Variants in SEC11A observed in about 807,000 individuals in gnomAD.
SEC11A encodes the protein signal peptidase complex catalytic subunit SEC11A.
SEC11A carries 14 observed loss-of-function variants against 25.6 expected under a neutral mutation model. The ratio of observed to expected loss-of-function variants is 0.55; its 90% CI spans 0.36 to 0.85. SEC11A has a LOEUF of 0.85. Ranked by LOEUF, SEC11A falls within the 40% of genes least tolerant of loss-of-function variation. The probability of loss-of-function intolerance (pLI) is 0.01; values close to 1 mark genes in which losing one functional copy is unlikely to be tolerated. For missense variants in SEC11A, 153 were observed against 222.9 expected, an observed-to-expected ratio of 0.69 and a Z score of 2.00; for synonymous variants, 83 against 76.4, an observed-to-expected ratio of 1.09 and a Z score of -0.45.
chr15:84,676,082 T>C (rs1897124777), intron 4 of SEC11A, among the ~76,000 whole-genome samples: 1 of 152,196 alleles, frequency 6.6e-6, no homozygotes, highest in African/African-American at 2.4e-5. Context: ...ATAGTGGTGA[T>C]GGTTGCACAA....
intron 1 of SEC11A, among the ~76,000 whole-genome samples, chr15:84,709,127 T>C (rs568596989): frequency 6.6e-6 from 1 of 152,200 alleles, no homozygotes; most frequent in Non-Finnish European, 1.5e-5. Flanking sequence ...TTCTAAAAAT[T>C]ACATGTGACA....
chr15:84,693,601 T>C lies in SEC11A; in HGVS notation c.52-1957A>G, dbSNP rs537632732. Among the ~76,000 whole-genome samples the C allele has an allele frequency of 5.9e-5, 9 of 151,944 alleles. No homozygotes were observed. In the East Asian group the frequency reaches 1.7e-3, roughly 29 times the overall value. On this transcript the variant is annotated intron_variant, in intron 1 of 5. Coordinates refer to ENST00000268220, the MANE Select transcript of SEC11A (RefSeq NM_014300.4). ...GCCTCCCAAGTAGCTGGGATTACAA[T>C]GGGCATGCATCATCACGCCCGGCCA...
Position 84,713,280 on chromosome 15 carries a change from GA to G in SEC11A, c.51+2744del, listed in dbSNP as rs148137377. Among the ~76,000 whole-genome samples the G allele has an allele frequency of 6.1e-4, 86 of 140,394 alleles. No individual in the cohort carries two copies. The East Asian group carries it at 8.4e-3, about 14-fold the overall frequency. The allele number at this position is 140,394 out of a possible 152,430, so 92.1% of individuals were successfully genotyped here. On this transcript the variant is annotated intron_variant, in intron 1 of 5. Coordinates refer to ENST00000268220, the MANE Select transcript of SEC11A (RefSeq NM_014300.4). ...AAGTATTCCTCTGTGGATCTGATAA[GA>G]AAAAAAAAACAAAAACTCAAAGCAA...
At chr15:84,674,212 T>C (rs1337188538) in intron 4 of SEC11A, among the ~76,000 whole-genome samples, 3 of 150,298 alleles carry the variant, frequency 2.0e-5, no homozygotes, top group African/African-American at 7.3e-5. Flanking sequence ...CTACATTTTA[T>C]ATATATTTAT....
chr15:84,672,226 C>T, intron 4 of SEC11A: 1 of 163,714 alleles, frequency 6.1e-6, no homozygotes, highest in East Asian at 1.5e-4. Context: ...TCTGCCTCTG[C>T]CTCTGCCCCT....
chr15:84,699,490 G>C (rs961126579), intron 1 of SEC11A, among the ~76,000 whole-genome samples: 15 of 152,130 alleles, frequency 9.9e-5, no homozygotes, highest in African/African-American at 3.6e-4. Context: ...AGGTAGTAAG[G>C]ACTGTGATTA....
intron 1 of SEC11A, among the ~76,000 whole-genome samples, chr15:84,708,312 T>C (rs117239337): frequency 3.3e-5 from 5 of 151,144 alleles, no homozygotes; most frequent in Non-Finnish European, 7.4e-5. Flanking sequence ...GGGACTGATA[T>C]CAATATTTCT....
intron 1 of SEC11A, among the ~76,000 whole-genome samples, chr15:84,693,112 CA>C (rs1445349821): frequency 1.3e-5 from 2 of 152,124 alleles, no homozygotes; most frequent in African/African-American, 4.8e-5. Context: ...TATGAGCCAC[CA>C]TGCCTGGTCA....
intron 1 of SEC11A, among the ~76,000 whole-genome samples, chr15:84,701,326 A>AT (rs944580342): frequency 2.7e-5 from 4 of 149,032 alleles, no homozygotes; most frequent in Non-Finnish European, 3.0e-5. Context: ...AATAATAATA[A>AT]TTTTTTTTTT....
At chr15:84,682,475 G>A (rs1441214680) in intron 3 of SEC11A, among the ~76,000 whole-genome samples, 3 of 152,132 alleles carry the variant, frequency 2.0e-5, no homozygotes, top group East Asian at 1.9e-4. Context: ...TTGAGACAGA[G>A]TCTCACACTG....
intron 3 of SEC11A, among the ~76,000 whole-genome samples, chr15:84,681,258 G>A (rs1897275706): frequency 6.6e-6 from 1 of 151,850 alleles, no homozygotes; most frequent in Non-Finnish European, 1.5e-5. Context: ...ACAGACTATG[G>A]GAAACTACAG....
At position 84,685,063 on chromosome 15, in the gene SEC11A, G is replaced by A. The variant is rs374220910; in HGVS notation, c.311+2562C>T. On this transcript the variant is annotated intron_variant, in intron 3 of 5. Coordinates refer to ENST00000268220, the MANE Select transcript of SEC11A (RefSeq NM_014300.4). ...GTCTGTTATCTACACAGGCCTGCAA[G>A]TTGAAGGTATCTCAAGAGTCTGAAA... 1.8e-4 allele frequency among the ~76,000 whole-genome samples: 28 copies of A among 152,328 alleles called. No homozygotes were observed. The East Asian group carries it at 3.9e-3, about 21-fold the overall frequency.
intron 1 of SEC11A, among the ~76,000 whole-genome samples, chr15:84,695,776 G>A (rs912754469): frequency 6.6e-5 from 10 of 152,134 alleles, no homozygotes; most frequent in African/African-American, 1.7e-4. Flanking sequence ...CCAAAAGGCC[G>A]AGAAGCGATC....
Position 84,687,642 on chromosome 15 carries a change from G to A in SEC11A, c.294C>T (p.Val98=). 1 of 1,578,172 alleles carries A rather than the reference G, an allele frequency of 6.3e-7. No homozygotes were observed. The highest frequency in any genetic ancestry group is 1.4e-5 in the African/African-American group (1 of 72,418). The part of the protein sequence containing the change: ...EGREIPIVHR[V]LKIHEKQNGH... Reference sequence around the variant, plus strand: ...GCACATACTTTTCATGAATCTTCAAGACTCGGTGAACTATAGGAATCTCTC... The same window carrying A: ...GCACATACTTTTCATGAATCTTCAAAACTCGGTGAACTATAGGAATCTCTC... The change falls in exon 3 of 6, where the codon GTC becomes GTT. Residue 98 remains valine, a synonymous_variant. Coordinates refer to ENST00000268220, the MANE Select transcript of SEC11A (RefSeq NM_014300.4).
chr15:84,702,886 TC>T (rs1897990224), intron 1 of SEC11A, among the ~76,000 whole-genome samples: 3 of 152,174 alleles, frequency 2.0e-5, no homozygotes, highest in Admixed American at 2.0e-4. Context: ...AAGTGAATAC[TC>T]CCCAACTTAC....
chr15:84,689,301 A>G (rs912933205), intron 2 of SEC11A, among the ~76,000 whole-genome samples: 1 of 152,130 alleles, frequency 6.6e-6, no homozygotes, highest in African/African-American at 2.4e-5. Flanking sequence ...AAAGTGATGA[A>G]TATATTCACT....
chr15:84,692,906 C>A (rs931832450), intron 1 of SEC11A, among the ~76,000 whole-genome samples: 1 of 152,190 alleles, frequency 6.6e-6, no homozygotes, highest in Non-Finnish European at 1.5e-5. Context: ...AGTGCAGTGG[C>A]ACAATCACAG....
chr15:84,678,893 C>G (rs1404624490), intron 4 of SEC11A, among the ~76,000 whole-genome samples: 1 of 151,690 alleles, frequency 6.6e-6, no homozygotes, highest in Admixed American at 6.6e-5. Flanking sequence ...ACTCGGGAGG[C>G]TGAGGCACAA....
intron 1 of SEC11A, among the ~76,000 whole-genome samples, chr15:84,712,066 C>T (rs1898290047): frequency 6.6e-6 from 1 of 152,006 alleles, no homozygotes; most frequent in Admixed American, 6.6e-5. Flanking sequence ...AATAGCGAGA[C>T]TCCATCTCTA....
Sources: allele counts gnomAD v4.1 joint callset (sites outside exome capture counted in the v4.1 genomes callset), GRCh38; gene constraint gnomAD v4.1.1; transcripts MANE v1.5; gene names NCBI Gene and HGNC (gene_info 2026-07-23, HGNC 2026-07-21).